The following ELMO2 variants were observed in gnomAD, a reference collection of about 807,000 sequenced individuals.
ELMO2 encodes engulfment and cell motility protein 2.
ELMO2 carries 37 observed loss-of-function variants against 96.2 expected under a neutral mutation model. The observed-to-expected ratio is 0.38, with a 90% CI of 0.30 to 0.51. The LOEUF is 0.51. ELMO2 is among the 20% of genes least tolerant of loss of function. ELMO2 has a pLI of 0.88. For synonymous variants in ELMO2, 315 were observed against 329.4 expected (o/e 0.96, Z 0.47); for missense variants, 561 against 912.6 (o/e 0.61, Z 4.96).
chr20:46,380,221 G>A lies in ELMO2; in HGVS notation c.807+32C>T. ...ATAACAGTAATAATTGTTGTTAATA[G>A]TAATAAAATACAGCATGTTCCAGGA... On this transcript the variant is annotated intron_variant, in intron 11 of 21. Transcript: ENST00000290246. 4 of 1,561,364 alleles carry A rather than the reference G, an allele frequency of 2.6e-6. No individual in the cohort carries two copies. In the South Asian group the frequency reaches 3.4e-5, roughly 13 times the overall value.
chr20:46,372,643 CAAAA>C (rs1054430623), intron 16 of ELMO2, among the ~76,000 whole-genome samples: 16 of 152,092 alleles, frequency 1.1e-4, no homozygotes, highest in Admixed American at 5.9e-4. Flanking sequence ...AAAAAACAAA[CAAAA>C]GAATAGAAAG....
At chr20:46,393,245 T>G (rs963955139) in intron 5 of ELMO2, 102 bp from the exon 6 acceptor site, 2 of 1,199,094 alleles carry the variant, frequency 1.7e-6, no homozygotes, top group African/African-American at 3.0e-5. Context: ...TTACAGTAGA[T>G]GTAACTGAGG....
At chr20:46,373,286 G>T (rs1351874686) in intron 16 of ELMO2, 113 bp downstream of exon 16, 3 of 1,456,900 alleles carry the variant, frequency 2.1e-6, no homozygotes, top group Admixed American at 3.8e-5. Context: ...ACTCAGTTCT[G>T]CAGACCAAGC....
At chr20:46,394,312 G>C in intron 3 of ELMO2, 93 bp downstream of exon 3, 1 of 1,416,154 alleles carries the variant, frequency 7.1e-7, no homozygotes, top group Non-Finnish European at 9.9e-7. Flanking sequence ...TCTTACTCTT[G>C]ATGCCGGTGG....
rs2059832881 is a variant in ELMO2, at chr20:46,375,182, T to C, written c.1065+54A>G. On this transcript the variant is annotated intron_variant, in intron 13 of 21. Transcript: ENST00000290246. This position sits in a 1 kb window ranked among gnomAD's most constrained non-coding sequence, Gnocchi z 4.6. The stretch of plus-strand genomic sequence containing the variant: ...CAGAGCTCTGTCTGGGTGGGACCAT[T>C]GACTTCCCATCAGGGGAGAGGGCCT... The C allele has an allele frequency of 6.3e-7, 1 of 1,585,688 alleles. No individual in the cohort carries two copies. The highest frequency in any genetic ancestry group is 1.3e-5 in the African/African-American group (1 of 74,712).
At chr20:46,372,093 G>T in intron 16 of ELMO2, 124 bp from the exon 17 acceptor site, 1 of 1,169,102 alleles carries the variant, frequency 8.6e-7, no homozygotes, top group Admixed American at 2.2e-5. Flanking sequence ...ACAGACATCT[G>T]CTGGGTGAGT....
In ELMO2 at chr20:46,381,926, A is replaced by T. The variant is rs554114620; in HGVS notation, c.756+1490T>A. ...AGATCAAAGTTACGAGCTGTTTCTG[A>T]GTCTGGTCTGCCCTAGTTGAACTAC... On this transcript the variant is annotated intron_variant, in intron 10 of 21. Transcript: ENST00000290246. Among the ~76,000 whole-genome samples, 382 of 152,350 alleles carry T rather than the reference A, an allele frequency of 2.5e-3. 3 individuals carry two copies. Among genetic ancestry groups the T allele is most frequent in the African/African-American group, 8.7e-3 (361 of 41,578 alleles).
At position 46,387,442 on chromosome 20, in the gene ELMO2, G is replaced by A; in HGVS notation, c.426-5C>T. The A allele has an allele frequency of 6.2e-7, 1 of 1,611,342 alleles. No homozygotes were observed. The highest frequency in any genetic ancestry group is 1.1e-5 in the South Asian group (1 of 90,950). On this transcript the variant is annotated splice_polypyrimidine_tract_variant and splice_region_variant and intron_variant, in intron 7 of 21. Coordinates refer to ENST00000290246, the MANE Select transcript of ELMO2 (RefSeq NM_133171.5). ...AATGCCAGCATCTCACTGTAGCTGA[G>A]ACACGTGCAACACACACACAAAATA...
At chr20:46,372,028 A>ATT (rs1387591493) in intron 16 of ELMO2, 59 bp from the exon 17 acceptor site, 20 of 1,602,342 alleles carry the variant, frequency 1.2e-5, no homozygotes. Flanking sequence ...GGACAGGCCT[A>ATT]TTATGGAGCA....
chr20:46,380,085 A>G, intron 11 of ELMO2, 168 bp downstream of exon 11: 1 of 586,578 alleles, frequency 1.7e-6, no homozygotes, highest in Non-Finnish European at 2.9e-6. Context: ...AACTCTGCTC[A>G]CAGAGGATCG....
chr20:46,379,132 T>C (rs1017729698), intron 11 of ELMO2, among the ~76,000 whole-genome samples: 3 of 152,092 alleles, frequency 2.0e-5, no homozygotes, highest in Admixed American at 6.6e-5. Context: ...TAGCTGGGAT[T>C]ACAGGCGCCT....
At chr20:46,387,706 A>G in intron 7 of ELMO2, 1 of 339,752 alleles carries the variant, frequency 2.9e-6, no homozygotes, top group South Asian at 5.5e-5. Flanking sequence ...CCAGGGACAC[A>G]GAATCACTTA....
At chr20:46,381,155 C>T (rs150764568) in intron 10 of ELMO2, among the ~76,000 whole-genome samples, 156 of 152,270 alleles carry the variant, frequency 1.0e-3, no homozygotes, top group African/African-American at 3.7e-3. Flanking sequence ...CACTGTGATA[C>T]CCTGAGGAGC....
rs777396145 is a variant in ELMO2 at position 46,386,127 on chromosome 20, T to C, written c.674A>G (p.Gln225Arg). The C allele has an allele frequency of 3.7e-6, 6 of 1,613,812 alleles. No individual in the cohort carries two copies. Among genetic ancestry groups the C allele is most frequent in the Non-Finnish European group, 5.1e-6 (6 of 1,179,880 alleles). Residue 225 changes from glutamine to arginine, a missense_variant, in exon 9 of 22, where the codon CAG becomes CGG. Transcript: ENST00000290246. The stretch of plus-strand genomic sequence containing the variant: ...AGGTGTAGGGTTTTTTACTCACACC[T>C]GGAGGTGTGAGATGAGCTGTCCCAC... ...ITVGQLISHLQVSNQEIQTYA... is the reference protein window; with the variant it reads ...ITVGQLISHLRVSNQEIQTYA...
At chr20:46,376,185 G>A (rs1345192528) in intron 11 of ELMO2, among the ~76,000 whole-genome samples, 1 of 152,218 alleles carries the variant, frequency 6.6e-6, no homozygotes, top group Non-Finnish European at 1.5e-5. Context: ...CATGGAGGCA[G>A]AGTTGTTTTT....
rs1003260242 is a variant in ELMO2 at position 46,380,188 on chromosome 20, T to C, written c.807+65A>G. ...CTCATTAATAATTTCAATAATAATA[T>C]ATTAACAATAACAGTAATAATTGTT... On this transcript the variant is annotated intron_variant, in intron 11 of 21. Coordinates refer to ENST00000290246, the MANE Select transcript of ELMO2 (RefSeq NM_133171.5). The C allele has an allele frequency of 8.9e-5, 119 of 1,335,174 alleles. No individual in the cohort carries two copies. The African/African-American group carries it at 1.4e-3, about 15-fold the overall frequency. The allele number at this position is 1,335,174 out of a possible 1,614,324, so 82.7% of individuals were successfully genotyped here. A position where few individuals can be genotyped will look rare whatever the true frequency, so the allele number is the denominator to read the frequency against.
rs755402406 is a variant in ELMO2 at position 46,374,562 on chromosome 20, T to C, written c.1144A>G (p.Lys382Glu). The C allele has an allele frequency of 1.9e-6, 3 of 1,614,196 alleles. No individual in the cohort carries two copies. The highest frequency in any genetic ancestry group is 2.2e-5 in the South Asian group (2 of 91,082). ...CGGATGTAGGTGTCCTGGTGGACTT[T>C]AGCCAAGTACAGCATGTTGTCCAAG... ...LALDNMLYLA[K>E]VHQDTYIRIV... Residue 382 changes from lysine (K) to glutamate (E), a missense_variant, in exon 14 of 22, where the codon AAA becomes GAA. Transcript: ENST00000290246.
At chr20:46,370,074 C>T in intron 20 of ELMO2, 2 of 366,618 alleles carry the variant, frequency 5.5e-6, no homozygotes, top group South Asian at 2.1e-5. Flanking sequence ...AGAAAGTCAC[C>T]ATCAGTGGAA....
chr20:46,373,584 G>A (rs752550812), intron 15 of ELMO2, 49 bp from the exon 16 acceptor site: 1 of 1,598,210 alleles, frequency 6.3e-7, no homozygotes, highest in South Asian at 1.1e-5. Flanking sequence ...GTCCACAAGG[G>A]CCTGGGAGCT....
Sources: gnomAD v4.1 joint callset for allele counts (sites outside exome capture counted in the v4.1 genomes callset) on GRCh38, gnomAD v4.1.1 for gene constraint, Gnocchi (gnomAD v3.1) non-coding constraint, MANE v1.5 for transcripts, NCBI Gene and HGNC (gene_info 2026-07-23, HGNC 2026-07-21) for gene names.